The following MIER3 variants were observed in gnomAD, a reference collection of about 807,000 sequenced individuals.
MIER3 encodes MIER family member 3, also known as mesoderm induction early response protein 3.
In MIER3, 9 loss-of-function variants were observed where a neutral mutation model predicts 63.2. That is an observed-to-expected ratio of 0.14 (90% CI 0.09 to 0.25). The LOEUF is 0.25. Ranked by LOEUF, MIER3 falls within the 10% of genes least tolerant of loss-of-function variation. The probability of loss-of-function intolerance (pLI) is 1.00; values close to 1 mark genes in which losing one functional copy is unlikely to be tolerated. For synonymous variants in MIER3, 205 were observed against 224.9 expected, an observed-to-expected ratio of 0.91 and a Z score of 0.79; for missense variants, 512 against 666.2, an observed-to-expected ratio of 0.77 and a Z score of 2.55.
At position 56,951,630 on chromosome 5, in the gene MIER3, G is replaced by C. The variant is rs867186192; in HGVS notation, c.9+464C>G. 3.4e-4 allele frequency among the ~76,000 whole-genome samples: 52 copies of C among 151,682 alleles called. 1 individual carries two copies. Among genetic ancestry groups the C allele is most frequent in the African/African-American group, 1.1e-3 (47 of 41,352 alleles). ...CGCCGCAGCCCGGGCCCGGTGGGCCGGGGGCACAGCGCACGACTCCCGCAG... is the reference window on the plus strand; with the variant it reads ...CGCCGCAGCCCGGGCCCGGTGGGCCCGGGGCACAGCGCACGACTCCCGCAG... On this transcript the variant is annotated intron_variant, in intron 1 of 12. Transcript: ENST00000381199.
At position 56,941,288 on chromosome 5, in the gene MIER3, T is replaced by C; in HGVS notation, c.181-2271A>G. 3 of 281,414 alleles carry C rather than the reference T, an allele frequency of 1.1e-5. 1 individual carries two copies. The highest frequency in any genetic ancestry group is 1.6e-5 in the Non-Finnish European group (3 of 186,814). 17.4% of individuals were successfully genotyped at this position (281,414 alleles called of 1,614,324 possible). A position where few individuals can be genotyped will look rare whatever the true frequency, so the allele number is the denominator to read the frequency against. ...AGAATACTGGTATGGAGTATGGAGG[T>C]ATGCACAGAGGGTGAAGACTGAGCT... On this transcript the variant is annotated intron_variant, in intron 3 of 12. Transcript: ENST00000381199.
chr5:56,939,104 G>T, intron 3 of MIER3, 87 bp from the exon 4 acceptor site: 1 of 1,388,108 alleles, frequency 7.2e-7, no homozygotes, highest in Non-Finnish European at 9.6e-7. Context: ...GGTTCAGAAA[G>T]CACATTATCA....
intron 7 of MIER3, among the ~76,000 whole-genome samples, chr5:56,933,733 T>G (rs892083145): frequency 6.6e-6 from 1 of 152,184 alleles, no homozygotes; most frequent in African/African-American, 2.4e-5. Flanking sequence ...AAAAATAACC[T>G]GTGTAAATTC....
At chr5:56,926,842 T>C (rs765783108) in intron 10 of MIER3, among the ~76,000 whole-genome samples, 1 of 152,066 alleles carries the variant, frequency 6.6e-6, no homozygotes, top group Non-Finnish European at 1.5e-5. Flanking sequence ...GGTAAGTGAA[T>C]AAATACACTG....
chr5:56,940,943 C>T (rs148740120), intron 3 of MIER3: 16 of 984,708 alleles, frequency 1.6e-5, no homozygotes, highest in South Asian at 1.4e-4. Flanking sequence ...GTAGTATTTC[C>T]GCAGAACCTC....
intron 3 of MIER3, among the ~76,000 whole-genome samples, chr5:56,945,228 C>T (rs1190120990): frequency 6.6e-6 from 1 of 152,038 alleles, no homozygotes; most frequent in Admixed American, 6.6e-5. Context: ...TTTGGAAGGC[C>T]GAGGCAGGTG....
intron 8 of MIER3, among the ~76,000 whole-genome samples, chr5:56,932,806 ATAAAATC>A (rs1750316312): frequency 6.6e-6 from 1 of 152,218 alleles, no homozygotes; most frequent in African/African-American, 2.4e-5. Context: ...GAATACACTT[ATAAAATC>A]TAAAAGTCCA....
chr5:56,924,263 TAAA>T (rs947321844), intron 10 of MIER3, among the ~76,000 whole-genome samples: 1 of 151,884 alleles, frequency 6.6e-6, no homozygotes, highest in Non-Finnish European at 1.5e-5. Context: ...GTTTTTTTTT[TAAA>T]AAAATCAGAA....
At chr5:56,939,711 T>C (rs1052459023) in intron 3 of MIER3, among the ~76,000 whole-genome samples, 2 of 152,202 alleles carry the variant, frequency 1.3e-5, no homozygotes, top group Admixed American at 6.5e-5. Context: ...GCCTATGTTA[T>C]GAATACCTAC....
intron 3 of MIER3, among the ~76,000 whole-genome samples, chr5:56,944,582 T>C (rs922031011): frequency 3.3e-5 from 5 of 152,218 alleles, no homozygotes; most frequent in African/African-American, 1.2e-4. Context: ...ATGGTATCAC[T>C]GGATGGACCA....
chr5:56,930,114 T>C (rs1750207098), intron 9 of MIER3, among the ~76,000 whole-genome samples: 1 of 152,122 alleles, frequency 6.6e-6, no homozygotes, highest in Non-Finnish European at 1.5e-5. Context: ...TCTACACATA[T>C]TTAATGAAAG....
intron 4 of MIER3, 130 bp downstream of exon 4, chr5:56,938,753 G>T: frequency 8.2e-7 from 1 of 1,213,896 alleles, no homozygotes. Flanking sequence ...GTTTAAATCA[G>T]CCACCAAAAT....
intron 1 of MIER3, among the ~76,000 whole-genome samples, chr5:56,951,544 G>A (rs1751030745): frequency 1.3e-5 from 2 of 152,276 alleles, no homozygotes; most frequent in Admixed American, 6.5e-5. Flanking sequence ...TGAGAAGCCC[G>A]GTGGCCCCGC....
intron 10 of MIER3, chr5:56,925,425 G>C (rs1749918584): frequency 2.4e-6 from 1 of 420,140 alleles, no homozygotes; most frequent in Non-Finnish European, 4.7e-6. Context: ...AGGAGACAAG[G>C]TTAATACACA....
At chr5:56,932,835 T>A (rs978975680) in intron 8 of MIER3, among the ~76,000 whole-genome samples, 1 of 152,030 alleles carries the variant, frequency 6.6e-6, no homozygotes, top group Non-Finnish European at 1.5e-5. Flanking sequence ...CCACAGAGAA[T>A]GTTTAAATAA....
chr5:56,927,318 T>C (rs575291866), intron 10 of MIER3, among the ~76,000 whole-genome samples: 1 of 152,206 alleles, frequency 6.6e-6, no homozygotes, highest in Admixed American at 6.5e-5. Flanking sequence ...TAATAAAAGA[T>C]ATAATAATAA....
chr5:56,946,320 T>C (rs1750822538), intron 3 of MIER3, among the ~76,000 whole-genome samples: 2 of 152,320 alleles, frequency 1.3e-5, no homozygotes, highest in South Asian at 4.1e-4. Flanking sequence ...GGGACCTCTC[T>C]ATATACAGTC....
At chr5:56,924,361 T>G (rs901918694) in intron 10 of MIER3, among the ~76,000 whole-genome samples, 7 of 152,224 alleles carry the variant, frequency 4.6e-5, no homozygotes, top group Non-Finnish European at 1.0e-4. Flanking sequence ...TCTTTACTTT[T>G]CTTTACTGAG....
chr5:56,948,898 G>A (rs1750919940), intron 2 of MIER3, among the ~76,000 whole-genome samples: 1 of 152,110 alleles, frequency 6.6e-6, no homozygotes, highest in Non-Finnish European at 1.5e-5. Context: ...TAACATGGAA[G>A]GTATTCAGTA....
Sources: gnomAD v4.1 joint callset for allele counts (sites outside exome capture counted in the v4.1 genomes callset) on GRCh38, gnomAD v4.1.1 for gene constraint, MANE v1.5 for transcripts, NCBI Gene and HGNC (gene_info 2026-07-23, HGNC 2026-07-21) for gene names.